The following DTNA variants were observed in gnomAD, a reference collection of about 807,000 sequenced individuals.
The protein encoded by DTNA is dystrophin-related protein 3.
In DTNA, 43 loss-of-function variants were observed where a neutral mutation model predicts 100.7. The ratio of observed to expected loss-of-function variants is 0.43; its 90% confidence interval spans 0.33 to 0.55. DTNA has a LOEUF of 0.55. DTNA is among the 20% of genes least tolerant of loss of function. The pLI, the probability that DTNA is intolerant of heterozygous loss-of-function variation, is 0.04. For missense variants in DTNA, 798 were observed against 953.9 expected (o/e 0.84, Z 2.15); for synonymous variants, 349 against 347.9 (o/e 1.00, Z -0.04).
chr18:34,801,910 T>A (rs1216499586), intron 4 of DTNA, among the ~76,000 whole-genome samples: 1 of 152,252 alleles, frequency 6.6e-6, no homozygotes, highest in Non-Finnish European at 1.5e-5. Context: ...GCAGCCTTAA[T>A]TCACAAAGAA....
At position 34,602,982 on chromosome 18, in the gene DTNA, G is replaced by A. The variant is rs1282157229; in HGVS notation, c.-2+109468G>A. ...CACGCCATTGTACTCCAGCCCGGGCGACAGTGTGAGACTCCCTCTCAAAAA... is the reference window on the plus strand; with the variant it reads ...CACGCCATTGTACTCCAGCCCGGGCAACAGTGTGAGACTCCCTCTCAAAAA... On this transcript the variant is annotated intron_variant, in intron 1 of 19. Transcript: ENST00000283365. Among the ~76,000 whole-genome samples the A allele has an allele frequency of 3.3e-5, 5 of 150,816 alleles. 1 individual carries two copies. The highest frequency in any genetic ancestry group is 4.9e-5 in the African/African-American group (2 of 41,076).
chr18:34,529,330 C>T (rs117838610), intron 1 of DTNA, among the ~76,000 whole-genome samples: 2,964 of 151,514 alleles, frequency 0.02, 36 homozygotes, highest in Non-Finnish European at 0.029. Flanking sequence ...TTGAAGTCAG[C>T]GTATAATATG....
At chr18:34,727,384 G>C (rs2086953307) in intron 1 of DTNA, among the ~76,000 whole-genome samples, 1 of 151,900 alleles carries the variant, frequency 6.6e-6, no homozygotes, top group African/African-American at 2.4e-5. Flanking sequence ...AAATATTTTT[G>C]GCCCAGAATT....
chr18:34,735,111 A>G (rs1038532153), intron 1 of DTNA, among the ~76,000 whole-genome samples: 2 of 152,142 alleles, frequency 1.3e-5, no homozygotes, highest in African/African-American at 4.8e-5. Context: ...TACATGTGTA[A>G]GGAGAGCCAG....
At chr18:34,506,988 T>C (rs2040556426) in intron 1 of DTNA, among the ~76,000 whole-genome samples, 2 of 152,200 alleles carry the variant, frequency 1.3e-5, no homozygotes, top group East Asian at 3.9e-4. Context: ...CCTCAGAGGG[T>C]TACTGCTTAT....
chr18:34,753,360 TATTTTA>T (rs1568412384), intron 1 of DTNA, among the ~76,000 whole-genome samples: 8 of 112,440 alleles, frequency 7.1e-5, no homozygotes, highest in African/African-American at 9.7e-5. Context: ...TTTATTTATT[TATTTTA>T]TTTTTTTTTT....
chr18:34,627,540 TA>T (rs2057493615), intron 1 of DTNA, among the ~76,000 whole-genome samples: 1 of 152,204 alleles, frequency 6.6e-6, no homozygotes, highest in South Asian at 2.1e-4. Flanking sequence ...CCAATATCAA[TA>T]AGCCTTAGAG....
chr18:34,623,620 CCTTAAA>C (rs2056878197), intron 1 of DTNA, among the ~76,000 whole-genome samples: 1 of 152,094 alleles, frequency 6.6e-6, no homozygotes, highest in Non-Finnish European at 1.5e-5. Flanking sequence ...GCTTTTATAT[CCTTAAA>C]CTCACTCATT....
Position 34,805,615 on chromosome 18 carries a change from G to A in DTNA, c.363-604G>A, listed in dbSNP as rs555479937. Among the ~76,000 whole-genome samples the A allele has an allele frequency of 6.6e-5, 10 of 152,154 alleles. No individual in the cohort carries two copies. In the South Asian group the frequency reaches 8.3e-4, roughly 13 times the overall value. ...GCTAGGATTACAGACGTAAGCCACC[G>A]TGCTCGGCCAGAGCTTTTACTTTTG... On this transcript the variant is annotated intron_variant, in intron 4 of 22. Coordinates refer to ENST00000444659, the MANE Select transcript of DTNA (RefSeq NM_001386795.1).
At chr18:34,538,480 G>C (rs2145681995) in intron 1 of DTNA, among the ~76,000 whole-genome samples, 1 of 152,096 alleles carries the variant, frequency 6.6e-6, no homozygotes, top group Middle Eastern at 3.4e-3. Context: ...CAGTGGAGTG[G>C]ATTCTGACCA....
intron 1 of DTNA, among the ~76,000 whole-genome samples, chr18:34,529,926 A>G (rs2145463824): frequency 6.6e-6 from 1 of 152,284 alleles, no homozygotes; most frequent in Admixed American, 6.5e-5. Context: ...TTAGTAGTTA[A>G]GAAACACTGT....
chr18:34,646,351 C>G (rs1177934047), intron 1 of DTNA, among the ~76,000 whole-genome samples: 1 of 152,134 alleles, frequency 6.6e-6, no homozygotes, highest in Admixed American at 6.5e-5. Flanking sequence ...TAGGACGATA[C>G]AGCTCATACA....
chr18:34,642,508 T>TTC (rs2059389892), intron 1 of DTNA, among the ~76,000 whole-genome samples: 2 of 143,732 alleles, frequency 1.4e-5, no homozygotes, highest in African/African-American at 5.9e-5. Flanking sequence ...TTCCTTCCTT[T>TTC]CTTTCTTTCC....
intron 3 of DTNA, among the ~76,000 whole-genome samples, chr18:34,789,805 G>A (rs1394141843): frequency 2.6e-5 from 4 of 152,100 alleles, no homozygotes; most frequent in Non-Finnish European, 4.4e-5. Flanking sequence ...GCATATTTAT[G>A]TTTAATAACT....
rs2096943479 is a variant in DTNA, at chr18:34,888,709, C to T, written c.*975C>T. On this transcript the variant is annotated 3_prime_UTR_variant, in exon 23 of 23. Coordinates refer to ENST00000444659, the MANE Select transcript of DTNA (RefSeq NM_001386795.1). Reference sequence around the variant, plus strand: ...ATCCCCAAACGGACTAAAGTTATCTCTGCTCTTCCATGGTCTTGTTCCTCT... The same window carrying T: ...ATCCCCAAACGGACTAAAGTTATCTTTGCTCTTCCATGGTCTTGTTCCTCT... 1.0e-6 allele frequency: 1 copy of T among 985,880 alleles called. No individual in the cohort carries two copies. The allele number at this position is 985,880 out of a possible 1,614,324, so 61.1% of individuals were successfully genotyped here. A position where few individuals can be genotyped will look rare whatever the true frequency, so the allele number is the denominator to read the frequency against.
At chr18:34,615,938 A>G (rs1252803605) in intron 1 of DTNA, among the ~76,000 whole-genome samples, 1 of 152,198 alleles carries the variant, frequency 6.6e-6, no homozygotes, top group East Asian at 1.9e-4. Context: ...TTATGACTGC[A>G]TAGTATTCCA....
chr18:34,831,518 A>G (rs2096009619), intron 11 of DTNA, among the ~76,000 whole-genome samples: 1 of 152,260 alleles, frequency 6.6e-6, no homozygotes, highest in Non-Finnish European at 1.5e-5. Context: ...CTGTAATCCC[A>G]GCAATTTGGG....
At chr18:34,638,692 A>G (rs990428196) in intron 1 of DTNA, among the ~76,000 whole-genome samples, 2 of 152,246 alleles carry the variant, frequency 1.3e-5, no homozygotes, top group African/African-American at 4.8e-5. Context: ...TGCTGAATTC[A>G]TAAATTAGAA....
At chr18:34,881,999 C>T in intron 20 of DTNA, 70 bp from the exon 21 acceptor site, 5 of 1,608,298 alleles carry the variant, frequency 3.1e-6, no homozygotes, top group Admixed American at 3.3e-5. Context: ...AACTACAGCT[C>T]ACACATGAAT....
Sources: gnomAD v4.1 joint callset for allele counts (sites outside exome capture counted in the v4.1 genomes callset) on GRCh38, gnomAD v4.1.1 for gene constraint, MANE v1.5 for transcripts, NCBI Gene and HGNC (gene_info 2026-07-23, HGNC 2026-07-21) for gene names.